The following RASA2 variants were observed in gnomAD, a reference collection of about 807,000 sequenced individuals.
The protein encoded by RASA2 is RAS p21 protein activator 2, also known as ras GTPase-activating protein 2.
A neutral mutation model predicts 118.2 loss-of-function variants in RASA2; 155 were observed. That is an observed-to-expected ratio of 1.31 (90% CI 1.15 to 1.50). The LOEUF (loss-of-function observed/expected upper bound fraction) is 1.50, where lower values mean the gene tolerates loss of function less well. RASA2 is among the 40% of genes most tolerant of loss of function. RASA2 has a pLI of 0.00. For missense variants in RASA2, 1,016 were observed against 1,009.6 expected (o/e 1.01, Z -0.09); for synonymous variants, 353 against 349.1 (o/e 1.01, Z -0.12).
In RASA2 at chr3:141,571,465, T is replaced by C; in HGVS notation, c.1080T>C (p.Ala360=). 6.2e-7 allele frequency: 1 copy of C among 1,613,724 alleles called. No homozygotes were observed. The highest frequency in any genetic ancestry group is 8.5e-7 in the Non-Finnish European group (1 of 1,179,744). ...AAATATGTCGAGATAAAAATGATGC[T>C]GTTTTGCCCCTTGTACGACTGCTGC... ...LSEICRDKND[A]VLPLVRLLLH... is the part of the protein sequence containing the mutation. The change falls in exon 11 of 24, where the codon GCT becomes GCC. Residue 360 remains alanine (A), a synonymous_variant. Coordinates refer to ENST00000286364, the MANE Select transcript of RASA2 (RefSeq NM_006506.5).
chr3:141,516,918 C>T (rs1047480657), intron 3 of RASA2, among the ~76,000 whole-genome samples: 103 of 152,206 alleles, frequency 6.8e-4, no homozygotes, highest in African/African-American at 2.4e-3. Flanking sequence ...GGATTACAGG[C>T]GTGTGCCACC....
intron 2 of RASA2, among the ~76,000 whole-genome samples, chr3:141,513,197 G>T (rs2081977833): frequency 6.9e-6 from 1 of 145,054 alleles, no homozygotes. Flanking sequence ...TTAGGGATCT[G>T]TTTTTTTTTT....
At chr3:141,503,938 A>T (rs971060838) in intron 1 of RASA2, among the ~76,000 whole-genome samples, 7 of 152,270 alleles carry the variant, frequency 4.6e-5, no homozygotes, top group Admixed American at 3.3e-4. Flanking sequence ...GACATAAATC[A>T]ACTTAAATGA....
intron 5 of RASA2, among the ~76,000 whole-genome samples, chr3:141,543,480 A>G (rs1400440973): frequency 6.6e-6 from 1 of 152,160 alleles, no homozygotes; most frequent in Non-Finnish European, 1.5e-5. Flanking sequence ...TGTTGTCTCT[A>G]CCCACATTTT....
intron 1 of RASA2, among the ~76,000 whole-genome samples, chr3:141,500,336 T>C (rs2081761264): frequency 6.6e-6 from 1 of 152,238 alleles, no homozygotes; most frequent in Admixed American, 6.5e-5. Context: ...CTTCTCTTCC[T>C]TTCTCCATTC....
intron 17 of RASA2, among the ~76,000 whole-genome samples, chr3:141,585,076 C>G (rs910109981): frequency 1.3e-5 from 2 of 152,126 alleles, no homozygotes; most frequent in Non-Finnish European, 2.9e-5. Context: ...AAACAGGCTA[C>G]AGGTCAAACG....
chr3:141,487,931 G>A (rs538082492), intron 1 of RASA2, among the ~76,000 whole-genome samples: 35 of 152,184 alleles, frequency 2.3e-4, no homozygotes, highest in African/African-American at 7.7e-4. Flanking sequence ...ACTAAAGGCA[G>A]GATGTAGTGG....
intron 20 of RASA2, 128 bp from the exon 21 acceptor site, chr3:141,608,361 C>A: frequency 1.2e-6 from 1 of 839,718 alleles, no homozygotes; most frequent in Non-Finnish European, 1.9e-6. Context: ...ATAATAATTT[C>A]TAAGACATCT....
chr3:141,596,463 A>G (rs1023711671), intron 19 of RASA2, among the ~76,000 whole-genome samples: 2 of 152,240 alleles, frequency 1.3e-5, no homozygotes, highest in African/African-American at 2.4e-5. Flanking sequence ...TGTATGGTCT[A>G]TAAAAGAAAA....
intron 7 of RASA2, among the ~76,000 whole-genome samples, chr3:141,556,484 A>C (rs2082651815): frequency 6.6e-6 from 1 of 151,604 alleles, no homozygotes; most frequent in African/African-American, 2.4e-5. Context: ...TTTTTTTTTT[A>C]AGCCTAATTC....
At chr3:141,521,449 C>T (rs2082109830) in intron 3 of RASA2, among the ~76,000 whole-genome samples, 1 of 152,132 alleles carries the variant, frequency 6.6e-6, no homozygotes, top group South Asian at 2.1e-4. Flanking sequence ...TAACTTCGGC[C>T]ATCATACCTT....
chr3:141,574,194 A>T (rs1457142984), intron 14 of RASA2, 127 bp downstream of exon 14: 6 of 621,550 alleles, frequency 9.7e-6, no homozygotes, highest in African/African-American at 2.0e-5. Flanking sequence ...ATTTTATTTT[A>T]TTTTATTTTT....
intron 3 of RASA2, among the ~76,000 whole-genome samples, chr3:141,519,568 C>T (rs1181043553): frequency 6.6e-6 from 1 of 152,080 alleles, no homozygotes; most frequent in African/African-American, 2.4e-5. Context: ...TGTTATCTGC[C>T]TCTGTGTCAC....
At chr3:141,569,269 A>C (rs982050676) in intron 9 of RASA2, among the ~76,000 whole-genome samples, 1 of 152,172 alleles carries the variant, frequency 6.6e-6, no homozygotes, top group Non-Finnish European at 1.5e-5. Context: ...TAGATAAATA[A>C]ATTTTTAAGA....
intron 1 of RASA2, among the ~76,000 whole-genome samples, chr3:141,494,114 C>T (rs933179153): frequency 2.0e-5 from 3 of 152,216 alleles, no homozygotes; most frequent in Admixed American, 6.5e-5. Flanking sequence ...ATTGCTATTA[C>T]AGACATTACT....
intron 9 of RASA2, among the ~76,000 whole-genome samples, chr3:141,567,346 G>A (rs2082838340): frequency 6.6e-6 from 1 of 152,086 alleles, no homozygotes. Flanking sequence ...AACCCGGGAG[G>A]CAGAGGTTCA....
chr3:141,487,332 G>C (rs1344143436), intron 1 of RASA2, 116 bp downstream of exon 1: 1 of 1,158,350 alleles, frequency 8.6e-7, no homozygotes, highest in Non-Finnish European at 1.1e-6. Context: ...GGCCCGGGAG[G>C]GGGCCTGGGC....
intron 4 of RASA2, among the ~76,000 whole-genome samples, chr3:141,536,393 G>A (rs1411132091): frequency 6.6e-6 from 1 of 152,088 alleles, no homozygotes; most frequent in Non-Finnish European, 1.5e-5. Flanking sequence ...ACAACACATG[G>A]GAATTCTGGG....
intron 5 of RASA2, among the ~76,000 whole-genome samples, chr3:141,548,188 C>T (rs1199877224): frequency 6.6e-6 from 1 of 152,110 alleles, no homozygotes; most frequent in Non-Finnish European, 1.5e-5. Flanking sequence ...CAGGGTAACA[C>T]TGGCCTCATA....
Sources: allele counts gnomAD v4.1 joint callset (sites outside exome capture counted in the v4.1 genomes callset), GRCh38; gene constraint gnomAD v4.1.1; transcripts MANE v1.5; gene names NCBI Gene and HGNC (gene_info 2026-07-23, HGNC 2026-07-21).